Variants in ANKS3 observed in about 807,000 individuals in gnomAD.
ANKS3 encodes the protein ankyrin repeat and SAM domain-containing protein 3.
ANKS3 carries 62 observed loss-of-function variants against 80.7 expected under a neutral mutation model. The ratio of observed to expected loss-of-function variants is 0.77; its 90% CI spans 0.63 to 0.95. The LOEUF is 0.95. ANKS3 is among the 40% of genes least tolerant of loss of function. The pLI is 0.00. For missense variants in ANKS3, 1,150 were observed against 883.6 expected (o/e 1.30, Z -3.82); for synonymous variants, 489 against 355.3 (o/e 1.38, Z -4.23).
At chr16:4,700,946 C>G (rs2079865331) in intron 11 of ANKS3, 24 bp downstream of exon 11, 9 of 1,613,514 alleles carry the variant, frequency 5.6e-6, no homozygotes, top group African/African-American at 1.3e-5. Context: ...TGAGTGTAAC[C>G]TCCAGTTTCA....
At chr16:4,714,727 C>T (rs1389962537) in intron 6 of ANKS3, among the ~76,000 whole-genome samples, 1 of 152,120 alleles carries the variant, frequency 6.6e-6, no homozygotes, top group African/African-American at 2.4e-5. Flanking sequence ...GGTGCGGTGG[C>T]TCATGCCTGT....
Position 4,696,725 on chromosome 16 carries a change from G to GCTGCCGAGCCAGGGCCGCAGC in ANKS3, c.*162_*182dup. The stretch of plus-strand genomic sequence containing the variant: ...TCGTCCCGCCTCAGTGCTGGCCCGA[G>GCTGCCGAGCCAGGGCCGCAGC]CTGCCGAGCCAGGGCCGCAGCCCCC... On this transcript the variant is annotated 3_prime_UTR_variant, in exon 18 of 18. Coordinates refer to ENST00000304283, the MANE Select transcript of ANKS3 (RefSeq NM_133450.4). The GCTGCCGAGCCAGGGCCGCAGC allele has an allele frequency of 2.1e-6, 1 of 487,372 alleles. No individual in the cohort carries two copies. Among genetic ancestry groups the GCTGCCGAGCCAGGGCCGCAGC allele is most frequent in the Non-Finnish European group, 3.8e-6 (1 of 265,602 alleles). 30.2% of individuals were successfully genotyped at this position (487,372 alleles called of 1,614,324 possible).
chr16:4,708,626 G>C (rs1193798492), intron 7 of ANKS3, among the ~76,000 whole-genome samples: 1 of 152,070 alleles, frequency 6.6e-6, no homozygotes, highest in East Asian at 1.9e-4. Context: ...CAAAGTACTA[G>C]TATTTAACTT....
chr16:4,702,345 C>T, intron 8 of ANKS3, 103 bp from the exon 9 acceptor site: 1 of 1,240,036 alleles, frequency 8.1e-7, no homozygotes, highest in Non-Finnish European at 1.1e-6. Context: ...GTCATGACCT[C>T]ACCTACTTGC....
In ANKS3 at chr16:4,701,148, C is replaced by T. The variant is rs1318743606; in HGVS notation, c.1120-14G>A. 4.3e-6 allele frequency: 7 copies of T among 1,613,612 alleles called. No individual in the cohort carries two copies. Among genetic ancestry groups the T allele is most frequent in the Middle Eastern group, 1.6e-4 (1 of 6,062 alleles). On this transcript the variant is annotated splice_polypyrimidine_tract_variant and intron_variant, in intron 10 of 17. Transcript: ENST00000304283. ...ATGATCCGAGTCCTGCAGTGAGAGG[C>T]GTGCATCTGAAAGAGTGCGCGGGCT...
At position 4,697,008 on chromosome 16, in the gene ANKS3, G is replaced by C. The variant is rs368614116; in HGVS notation, c.*11+9C>G. The C allele has an allele frequency of 8.1e-6, 13 of 1,611,538 alleles. No individual in the cohort carries two copies. Among genetic ancestry groups the C allele is most frequent in the Middle Eastern group, 1.7e-4 (1 of 5,966 alleles). ...CCACCACGCGGGATCCAGGCTGGCA[G>C]ACACTCACCGGCCCGCAGGCTAGGT... On this transcript the variant is annotated intron_variant, in intron 17 of 17. Coordinates refer to ENST00000304283, the MANE Select transcript of ANKS3 (RefSeq NM_133450.4).
chr16:4,701,747 TCC>T, intron 9 of ANKS3: 1 of 535,376 alleles, frequency 1.9e-6, no homozygotes, highest in Non-Finnish European at 3.3e-6. Flanking sequence ...CACTGATAAA[TCC>T]CAAGCACCCG....
intron 8 of ANKS3, among the ~76,000 whole-genome samples, chr16:4,702,557 C>T (rs1051577882): frequency 7.2e-5 from 11 of 152,134 alleles, no homozygotes; most frequent in African/African-American, 2.7e-4. Flanking sequence ...AAAACTATAC[C>T]ATGAGTGTTC....
rs142579917 is a variant in ANKS3 at position 4,699,072 on chromosome 16, G to A, written c.1389C>T (p.Asp463=). 6.8e-6 allele frequency: 11 copies of A among 1,614,030 alleles called. No homozygotes were observed. Among genetic ancestry groups the A allele is most frequent in the Middle Eastern group, 3.3e-4 (2 of 6,084 alleles). ...CGCACGTGATGCCAATTTCCTTCAGGTCGCTCTCAGTGAGGGTCAGAAAGA... is the reference window on the plus strand; with the variant it reads ...CGCACGTGATGCCAATTTCCTTCAGATCGCTCTCAGTGAGGGTCAGAAAGA... ...LRIFLTLTES[D]LKEIGITLFG... Residue 463 remains aspartate, a synonymous_variant, in exon 12 of 18, where the codon GAC becomes GAT. Coordinates refer to ENST00000304283, the MANE Select transcript of ANKS3 (RefSeq NM_133450.4).
rs987015760 is a variant in ANKS3, at chr16:4,699,194, C to A, written c.1285-18G>T. 6.2e-7 allele frequency: 1 copy of A among 1,613,352 alleles called. No homozygotes were observed. Among genetic ancestry groups the A allele is most frequent in the Non-Finnish European group, 8.5e-7 (1 of 1,179,830 alleles). On this transcript the variant is annotated intron_variant, in intron 11 of 17. Transcript: ENST00000304283. Reference sequence around the variant, plus strand: ...GCAAGGTCCTGGCAGGCACAGGGGACAGGTTGGGGGAGGTAGTGGCTGACG... The same window carrying A: ...GCAAGGTCCTGGCAGGCACAGGGGAAAGGTTGGGGGAGGTAGTGGCTGACG...
intron 8 of ANKS3, among the ~76,000 whole-genome samples, chr16:4,703,461 A>C (rs2080025746): frequency 7.0e-6 from 1 of 142,714 alleles, no homozygotes. Flanking sequence ...TTGCTCTGTC[A>C]CCAGACTGGA....
chr16:4,728,267 G>C (rs528147861), intron 3 of ANKS3, among the ~76,000 whole-genome samples: 1 of 152,094 alleles, frequency 6.6e-6, no homozygotes, highest in African/African-American at 2.4e-5. Context: ...GGATGGTCTC[G>C]ATCTCCTGAC....
In ANKS3 at chr16:4,730,100, C is replaced by T. The variant is rs1296905780; in HGVS notation, c.50G>A (p.Ser17Asn). The T allele has an allele frequency of 1.3e-6, 2 of 1,594,882 alleles. No homozygotes were observed. The highest frequency in any genetic ancestry group is 2.7e-5 in the African/African-American group (2 of 74,084). ...EASEPELLNR[S>N]LSMWHGLGTQ... The stretch of plus-strand genomic sequence containing the variant: ...CCCGAGCCCGTGCCACATGGACAAG[C>T]TGCGGTTCAGGAGTTCCGGCTCGCT... Residue 17 changes from serine (S) to asparagine (N), a missense_variant, in exon 3 of 18, where the codon AGC (serine) becomes AAC (asparagine). Ser to Asn is a conservative substitution (Grantham distance 46). Transcript: ENST00000304283.
intron 3 of ANKS3, chr16:4,728,141 G>A (rs1340065361): frequency 6.6e-6 from 1 of 152,148 alleles, no homozygotes; most frequent in Non-Finnish European, 1.5e-5. Flanking sequence ...CGCCTCCCAA[G>A]TTCACGCCAT....
chr16:4,716,233 A>G (rs859327), intron 6 of ANKS3, among the ~76,000 whole-genome samples: 123,907 of 151,310 alleles, frequency 0.82, 50,864 homozygotes, highest in Middle Eastern at 0.91. Flanking sequence ...GGTGGTGGGC[A>G]CCTGCAGTCC....
intron 7 of ANKS3, among the ~76,000 whole-genome samples, chr16:4,710,828 C>G (rs2080446489): frequency 6.6e-6 from 1 of 152,162 alleles, no homozygotes; most frequent in Admixed American, 6.5e-5. Flanking sequence ...GAGATGGAGT[C>G]TCGCTCTGTC....
chr16:4,721,447 A>G lies in ANKS3; in HGVS notation c.573+3303T>C, dbSNP rs189440306. On this transcript the variant is annotated intron_variant, in intron 6 of 17. Coordinates refer to ENST00000304283, the MANE Select transcript of ANKS3 (RefSeq NM_133450.4). Reference sequence around the variant, plus strand: ...AACGTGGCAAAACCCCATCTCTACAAAAAAAATACAAAAATTGGCTGGGCG... The same window carrying G: ...AACGTGGCAAAACCCCATCTCTACAGAAAAAATACAAAAATTGGCTGGGCG... Among the ~76,000 whole-genome samples, 130 of 149,710 alleles carry G rather than the reference A, an allele frequency of 8.7e-4. 2 individuals are homozygous for G. Among genetic ancestry groups the G allele is most frequent in the African/African-American group, 3.0e-3 (122 of 41,010 alleles).
chr16:4,698,085 T>G (rs548049006), intron 14 of ANKS3, 23 bp from the exon 15 acceptor site: 1 of 1,589,380 alleles, frequency 6.3e-7, no homozygotes, highest in Non-Finnish European at 8.6e-7. Context: ...GAAACAAATA[T>G]TGGTGAGAGC....
At chr16:4,727,312 G>T in intron 3 of ANKS3, 135 bp from the exon 4 acceptor site, 3 of 874,682 alleles carry the variant, frequency 3.4e-6, no homozygotes, top group Non-Finnish European at 3.5e-6. Context: ...GACGTTGTGG[G>T]GATTGGAGGC....
Sources: allele counts gnomAD v4.1 joint callset (sites outside exome capture counted in the v4.1 genomes callset), GRCh38; gene constraint gnomAD v4.1.1; transcripts MANE v1.5; gene names NCBI Gene and HGNC (gene_info 2026-07-23, HGNC 2026-07-21).